Variants in LYPLAL1 observed in about 807,000 individuals in gnomAD.
The protein encoded by LYPLAL1 is lysophospholipase like 1, also known as lysophospholipase-like protein 1.
Under a neutral mutation model 19.7 loss-of-function variants are expected in LYPLAL1, and 23 were observed. That is an observed-to-expected ratio of 1.17 (90% CI 0.84 to 1.65). The LOEUF (loss-of-function observed/expected upper bound fraction) is 1.65, where lower values mean the gene tolerates loss of function less well. Among genes scored for constraint, LYPLAL1 ranks in the 40% most tolerant of loss-of-function variants. The probability of loss-of-function intolerance (pLI) is 0.00; values close to 1 mark genes in which losing one functional copy is unlikely to be tolerated. For synonymous variants in LYPLAL1, 119 were observed against 96.3 expected (o/e 1.24, Z -1.38); for missense variants, 355 against 279.4 (o/e 1.27, Z -1.93).
chr1:219,366,752 T>C, the LYPLAL1 span, among the ~76,000 whole-genome samples: 2 of 152,092 alleles, frequency 1.3e-5, no homozygotes, highest in Non-Finnish European at 2.9e-5. Context: ...GAAAACTGTA[T>C]GGATGGGCCT....
chr1:219,217,574 C>T (rs1028606478), downstream of LYPLAL1, among the ~76,000 whole-genome samples: 1 of 152,132 alleles, frequency 6.6e-6, no homozygotes, highest in South Asian at 2.1e-4. Context: ...GGGCCCCTTG[C>T]ACAGGGCAAT....
At chr1:219,331,725 C>T in the LYPLAL1 span, among the ~76,000 whole-genome samples, 1 of 152,118 alleles carries the variant, frequency 6.6e-6, no homozygotes, top group Non-Finnish European at 1.5e-5. Flanking sequence ...GCCAACAATC[C>T]AATCTATCAC....
the LYPLAL1 span, among the ~76,000 whole-genome samples, chr1:219,341,203 A>G: frequency 2.6e-5 from 4 of 152,132 alleles, no homozygotes; most frequent in Non-Finnish European, 5.9e-5. Context: ...CATGTTAGTA[A>G]TAACCAACTT....
chr1:219,173,883 C>T lies in LYPLAL1; in HGVS notation c.-8C>T, dbSNP rs544463284. Reference sequence around the variant, plus strand: ...GGCGGAACCGCATGACTGGCAGTGGCATCAGCGATGGCGGCTGCGTCGGGG... The same window carrying T: ...GGCGGAACCGCATGACTGGCAGTGGTATCAGCGATGGCGGCTGCGTCGGGG... On this transcript the variant is annotated 5_prime_UTR_variant, in exon 1 of 5. Transcript: ENST00000366928. 8 of 1,611,624 alleles carry T rather than the reference C, an allele frequency of 5.0e-6. No individual in the cohort carries two copies. Among genetic ancestry groups the T allele is most frequent in the Non-Finnish European group, 6.8e-6 (8 of 1,179,902 alleles).
the LYPLAL1 span, among the ~76,000 whole-genome samples, chr1:219,334,549 G>GTA: frequency 2.6e-5 from 4 of 151,566 alleles, no homozygotes; most frequent in African/African-American, 7.3e-5. Context: ...GTGTGTGTGT[G>GTA]TGTGTGTGTG....
At chr1:219,388,661 G>A in the LYPLAL1 span, among the ~76,000 whole-genome samples, 12 of 152,054 alleles carry the variant, frequency 7.9e-5, no homozygotes, top group South Asian at 2.1e-4. Context: ...CTACTACACC[G>A]TTTGTCTCCT....
the LYPLAL1 span, among the ~76,000 whole-genome samples, chr1:219,331,213 A>T: frequency 6.6e-6 from 1 of 152,282 alleles, no homozygotes; most frequent in Admixed American, 6.5e-5. Flanking sequence ...TATGACTCCC[A>T]GATTTCATCA....
chr1:219,221,163 A>G, the LYPLAL1 span, among the ~76,000 whole-genome samples: 1 of 152,156 alleles, frequency 6.6e-6, no homozygotes, highest in Non-Finnish European at 1.5e-5. Context: ...CACTAAGTGC[A>G]GTGATGACTG....
the LYPLAL1 span, among the ~76,000 whole-genome samples, chr1:219,419,673 G>A: frequency 1.3e-5 from 2 of 151,852 alleles, no homozygotes; most frequent in African/African-American, 4.8e-5. Context: ...CCAAGGGGAT[G>A]TTTATGGCTG....
chr1:219,176,582 C>G (rs995146780), intron 1 of LYPLAL1, among the ~76,000 whole-genome samples: 1 of 152,172 alleles, frequency 6.6e-6, no homozygotes, highest in African/African-American at 2.4e-5. Context: ...TGATTTGCTC[C>G]TTCTGGTTTC....
At chr1:219,410,169 G>A in the LYPLAL1 span, 1 of 152,136 alleles carries the variant, frequency 6.6e-6, no homozygotes, top group African/African-American at 2.4e-5. Context: ...AGGTATATTT[G>A]CTAACTATGG....
chr1:219,255,397 A>G, the LYPLAL1 span, among the ~76,000 whole-genome samples: 2 of 151,744 alleles, frequency 1.3e-5, no homozygotes, highest in African/African-American at 4.8e-5. Context: ...TTAAAATTCA[A>G]TTTTCTATTT....
the LYPLAL1 span, among the ~76,000 whole-genome samples, chr1:219,315,861 C>G: frequency 5.9e-5 from 9 of 152,124 alleles, no homozygotes; most frequent in East Asian, 1.4e-3. Flanking sequence ...CAGTCCATCC[C>G]CTAAAAGCTA....
At chr1:219,398,517 C>T in the LYPLAL1 span, among the ~76,000 whole-genome samples, 70,430 of 151,952 alleles carry the variant, frequency 0.46, 16,594 homozygotes, top group Admixed American at 0.52. Flanking sequence ...ATCTCAATCA[C>T]CTTCATTCCT....
At chr1:219,259,834 T>G in the LYPLAL1 span, among the ~76,000 whole-genome samples, 1 of 151,954 alleles carries the variant, frequency 6.6e-6, no homozygotes, top group South Asian at 2.1e-4. Context: ...ATGAGATTAC[T>G]CAATTAAACA....
At chr1:219,248,673 C>G in the LYPLAL1 span, among the ~76,000 whole-genome samples, 30 of 152,028 alleles carry the variant, frequency 2.0e-4, no homozygotes, top group Non-Finnish European at 3.2e-4. Flanking sequence ...ACAGAGACTG[C>G]ATTCGATGTA....
At chr1:219,359,679 C>T in the LYPLAL1 span, among the ~76,000 whole-genome samples, 1 of 152,078 alleles carries the variant, frequency 6.6e-6, no homozygotes, top group South Asian at 2.1e-4. Flanking sequence ...AAAAAATCTA[C>T]AAACAGACAC....
chr1:219,252,921 G>A, the LYPLAL1 span, among the ~76,000 whole-genome samples: 3 of 151,740 alleles, frequency 2.0e-5, no homozygotes, highest in Admixed American at 6.6e-5. Context: ...CCCAGGCTTC[G>A]TTTGGTTGGT....
At chr1:219,368,026 G>T in the LYPLAL1 span, among the ~76,000 whole-genome samples, 1 of 147,690 alleles carries the variant, frequency 6.8e-6, no homozygotes, top group South Asian at 2.1e-4. Context: ...ACTATGTATT[G>T]CTACTCCTTT....
Sources: allele counts gnomAD v4.1 joint callset (sites outside exome capture counted in the v4.1 genomes callset), GRCh38; gene constraint gnomAD v4.1.1; transcripts MANE v1.5; gene names NCBI Gene and HGNC (gene_info 2026-07-23, HGNC 2026-07-21).